CTNNA2: variants seen among roughly 807,000 people sequenced by gnomAD.
CTNNA2 encodes catenin alpha 2, also known as catenin alpha-2.
In CTNNA2, 42 loss-of-function variants were observed where a neutral mutation model predicts 101.0. The ratio of observed to expected loss-of-function variants is 0.42; its 90% CI spans 0.32 to 0.54. The LOEUF is 0.54. Among genes scored for constraint, CTNNA2 ranks in the 20% least tolerant of loss-of-function variants. The pLI, the probability that CTNNA2 is intolerant of heterozygous loss-of-function variation, is 0.14. For missense variants in CTNNA2, 871 were observed against 1,223.1 expected (o/e 0.71, Z 4.29); for synonymous variants, 450 against 456.4 (o/e 0.99, Z 0.18).
chr2:79,792,667 G>A (rs1021249771), intron 3 of CTNNA2, among the ~76,000 whole-genome samples: 10 of 152,102 alleles, frequency 6.6e-5, no homozygotes, highest in Middle Eastern at 3.4e-3. Context: ...TCAGACTTTA[G>A]GATCACAATT....
At chr2:80,350,866 C>T (rs11126757) in intron 7 of CTNNA2, among the ~76,000 whole-genome samples, 59,381 of 151,970 alleles carry the variant, frequency 0.39, 14,204 homozygotes, top group African/African-American at 0.68. Context: ...TTCTAGATGT[C>T]TGAATCCAAC....
At chr2:79,672,281 C>A (rs17017497) in intron 2 of CTNNA2, among the ~76,000 whole-genome samples, 48,541 of 151,828 alleles carry the variant, frequency 0.32, 8,537 homozygotes, top group East Asian at 0.75. Context: ...AAAAGGTAAC[C>A]AAAAATATAT....
chr2:79,785,081 C>T (rs1185093383), intron 3 of CTNNA2, among the ~76,000 whole-genome samples: 7 of 152,254 alleles, frequency 4.6e-5, no homozygotes, highest in East Asian at 1.9e-4. Flanking sequence ...ATCTCTTAAC[C>T]GGATCCTGGG....
intron 2 of CTNNA2, among the ~76,000 whole-genome samples, chr2:79,223,264 C>T (rs1399531835): frequency 2.0e-5 from 3 of 152,168 alleles, no homozygotes; most frequent in Non-Finnish European, 4.4e-5. Context: ...AGAAAAGGGT[C>T]CTCACCAAAA....
At chr2:79,255,154 A>T (rs1674827628) in intron 2 of CTNNA2, among the ~76,000 whole-genome samples, 1 of 152,186 alleles carries the variant, frequency 6.6e-6, no homozygotes, top group Admixed American at 6.6e-5. Flanking sequence ...AGGTAATTTT[A>T]AGTAGAATTA....
chr2:79,969,347 CTT>C (rs1175233601), intron 7 of CTNNA2, among the ~76,000 whole-genome samples: 1 of 152,156 alleles, frequency 6.6e-6, no homozygotes, highest in Non-Finnish European at 1.5e-5. Context: ...AAAGATGGCT[CTT>C]TTGAAATTCA....
rs976535910 is a variant in CTNNA2, at chr2:80,483,710, G to A, written c.1291-61272G>A. 2.6e-5 allele frequency among the ~76,000 whole-genome samples: 4 copies of A among 152,136 alleles called. No homozygotes were observed. In the East Asian group the frequency reaches 7.7e-4, roughly 29 times the overall value. ...TACCAAAAACTTATTTTAAATGAGT[G>A]GTGAGTTGGTTTCAGTTCAGAAAAC... On this transcript the variant is annotated intron_variant, in intron 9 of 18. Coordinates refer to ENST00000402739, the MANE Select transcript of CTNNA2 (RefSeq NM_001282597.3).
chr2:80,286,329 C>G (rs1380260450), intron 7 of CTNNA2, among the ~76,000 whole-genome samples: 1 of 152,094 alleles, frequency 6.6e-6, no homozygotes, highest in African/African-American at 2.4e-5. Flanking sequence ...TGATATTCTC[C>G]TCAGAGGGCC....
chr2:80,514,839 C>A (rs1688986900), intron 9 of CTNNA2, among the ~76,000 whole-genome samples: 1 of 152,032 alleles, frequency 6.6e-6, no homozygotes, highest in African/African-American at 2.4e-5. Context: ...TTGGAAAAGG[C>A]AACATTTGAT....
chr2:80,373,330 C>T (rs1211925435), intron 7 of CTNNA2, among the ~76,000 whole-genome samples: 1 of 152,168 alleles, frequency 6.6e-6, no homozygotes, highest in Non-Finnish European at 1.5e-5. Flanking sequence ...ATCTCAAGCA[C>T]ACAGCTACCC....
At chr2:79,434,939 C>A (rs550635247) in intron 4 of CTNNA2, among the ~76,000 whole-genome samples, 174 of 152,318 alleles carry the variant, frequency 1.1e-3, no homozygotes, top group African/African-American at 4.0e-3. Flanking sequence ...AATCTCTCCA[C>A]ATACTGGAAT....
At chr2:79,279,449 C>G (rs1384831367) in intron 2 of CTNNA2, among the ~76,000 whole-genome samples, 1 of 151,950 alleles carries the variant, frequency 6.6e-6, no homozygotes. Flanking sequence ...TGAAAAATCC[C>G]CAGGTAGTTT....
At chr2:79,682,107 T>G (rs1683601247) in intron 2 of CTNNA2, among the ~76,000 whole-genome samples, 1 of 152,128 alleles carries the variant, frequency 6.6e-6, no homozygotes, top group Non-Finnish European at 1.5e-5. Context: ...CCTAAGAATT[T>G]GCTTGAAAAA....
At chr2:80,043,081 TTCTTTCTTTCTTTCTCTC>T (rs1192960904) in intron 7 of CTNNA2, among the ~76,000 whole-genome samples, 716 of 43,526 alleles carry the variant, frequency 0.016, 6 homozygotes, top group African/African-American at 0.038. Flanking sequence ...CTTTCTTTCT[TTCTTTCTTTCTTTCTCTC>T]TCTCTCTCTC....
At chr2:80,200,996 C>A in intron 7 of CTNNA2, among the ~76,000 whole-genome samples, 1 of 152,104 alleles carries the variant, frequency 6.6e-6, no homozygotes, top group Middle Eastern at 3.4e-3. Context: ...TGAATCAATT[C>A]CCTGATATAA....
chr2:79,751,448 T>G (rs2105030518), intron 3 of CTNNA2, among the ~76,000 whole-genome samples: 1 of 151,434 alleles, frequency 6.6e-6, no homozygotes, highest in South Asian at 2.1e-4. Flanking sequence ...TCAAAATAAT[T>G]AGCAGGGTGT....
intron 7 of CTNNA2, among the ~76,000 whole-genome samples, chr2:80,245,802 T>C (rs1671277516): frequency 8.1e-6 from 1 of 123,120 alleles, no homozygotes; most frequent in African/African-American, 3.4e-5. Context: ...AACTTTTTTT[T>C]TTTTTTTTTT....
At chr2:79,539,560 C>T (rs980202865) in intron 1 of CTNNA2, among the ~76,000 whole-genome samples, 3 of 152,138 alleles carry the variant, frequency 2.0e-5, no homozygotes, top group East Asian at 1.9e-4. Context: ...CTGATTTTAT[C>T]TTTATATTGT....
intron 9 of CTNNA2, among the ~76,000 whole-genome samples, chr2:80,457,442 T>C (rs1319798260): frequency 6.6e-6 from 1 of 152,216 alleles, no homozygotes; most frequent in Non-Finnish European, 1.5e-5. Context: ...ACAATTATTA[T>C]GTATCAGTAA....
Sources: gnomAD v4.1 joint callset for allele counts (sites outside exome capture counted in the v4.1 genomes callset) on GRCh38, gnomAD v4.1.1 for gene constraint, MANE v1.5 for transcripts, NCBI Gene and HGNC (gene_info 2026-07-23, HGNC 2026-07-21) for gene names.